NBPF20: variants seen among roughly 807,000 people sequenced by gnomAD.
NBPF20 encodes NBPF family member NBPF20.
Under a neutral mutation model 68.1 loss-of-function variants are expected in NBPF20, and 90 were observed. The observed-to-expected ratio is 1.32, with a 90% confidence interval of 1.11 to 1.58. The LOEUF is 1.58. Ranked by LOEUF, NBPF20 falls within the 40% of genes most tolerant of loss-of-function variation. The probability of loss-of-function intolerance (pLI) is 0.00; values close to 1 mark genes in which losing one functional copy is unlikely to be tolerated. For synonymous variants in NBPF20, 290 were observed against 228.1 expected (o/e 1.27, Z -2.45); for missense variants, 816 against 601.2 (o/e 1.36, Z -3.74).
chr1:145,406,803 TA>T (rs1385891060), upstream of NBPF20, among the ~76,000 whole-genome samples: 9 of 131,954 alleles, frequency 6.8e-5, no homozygotes, highest in South Asian at 2.7e-4. Context: ...TATACATACA[TA>T]TTTTTTGCTG....
the NBPF20 span, among the ~76,000 whole-genome samples, chr1:145,425,230 AC>A: frequency 2.7e-4 from 37 of 138,524 alleles, 1 homozygote; most frequent in South Asian, 5.1e-4. Flanking sequence ...GCCCCCCCCA[AC>A]CCCCCACCCC....
At chr1:145,410,619 ATCT>A in the NBPF20 span, among the ~76,000 whole-genome samples, 1 of 150,366 alleles carries the variant, frequency 6.7e-6, no homozygotes, top group African/African-American at 2.4e-5. Context: ...GGCCCCATGT[ATCT>A]TCTTTTCTGA....
At chr1:145,291,762 C>A (rs1142502) in exon 138 of NBPF20, 40 of 1,611,646 alleles carry the variant, frequency 2.5e-5, no homozygotes, top group Non-Finnish European at 3.1e-5. Flanking sequence ...ATCAGCACGC[C>A]GTTGAGCCTG....
At chr1:145,292,572 G>C (rs1553658376) in intron 136 of NBPF20, 83 bp from the exon 142 acceptor site, 1 of 739,256 alleles carries the variant, frequency 1.4e-6, no homozygotes, top group Non-Finnish European at 2.4e-6. Context: ...CCTCACACAG[G>C]GACCTCAGGC....
chr1:145,399,712 G>C (rs1232082736), intron 6 of NBPF20, among the ~76,000 whole-genome samples: 17 of 131,576 alleles, frequency 1.3e-4, no homozygotes, highest in African/African-American at 3.9e-4. Flanking sequence ...GGGAGGCAGA[G>C]GTTGCACCAA....
chr1:145,292,763 C>A (rs1661221027), intron 136 of NBPF20, among the ~76,000 whole-genome samples: 1 of 119,428 alleles, frequency 8.4e-6, no homozygotes. Flanking sequence ...CATATTTTTC[C>A]AATCAACTTA....
Position 145,403,152 on chromosome 1 carries a change from G to A in NBPF20, c.278+64C>T, listed in dbSNP as rs200508255. On this transcript the variant is annotated intron_variant, in intron 3 of 137. Transcript: ENST00000369373. Reference sequence around the variant, plus strand: ...AGCTTAGCTCTTACGTCTCCCCACCGAGCTGCTGTATTTCAGAGATTTACA... The same window carrying A: ...AGCTTAGCTCTTACGTCTCCCCACCAAGCTGCTGTATTTCAGAGATTTACA... The A allele has an allele frequency of 3.6e-4, 569 of 1,596,812 alleles. 1 individual carries two copies. The highest frequency in any genetic ancestry group is 4.7e-4 in the Non-Finnish European group (548 of 1,167,518).
chr1:145,416,084 T>C, the NBPF20 span, among the ~76,000 whole-genome samples: 1 of 150,984 alleles, frequency 6.6e-6, no homozygotes, highest in Admixed American at 6.6e-5. Context: ...TGAGCTGAGA[T>C]GGCGCCGTTG....
chr1:145,341,149 C>G (rs1428811138), intron 75 of NBPF20, among the ~76,000 whole-genome samples: 2 of 79,344 alleles, frequency 2.5e-5, no homozygotes, highest in Admixed American at 1.2e-4. Context: ...GAGACAGAGA[C>G]AGAGAGAGAG....
chr1:145,292,238 C>T (rs1661165678), intron 137 of NBPF20, 143 bp downstream of exon 142: 1 of 671,970 alleles, frequency 1.5e-6, no homozygotes, highest in Non-Finnish European at 2.6e-6. Flanking sequence ...TAAACATCTA[C>T]TGCAATGAAA....
At chr1:145,400,706 C>G in intron 5 of NBPF20, 112 bp from the exon 11 acceptor site, 2 of 1,478,116 alleles carry the variant, frequency 1.4e-6, no homozygotes, top group Non-Finnish European at 1.9e-6. Context: ...TCCCAGAAAG[C>G]AAAATGGAGG....
At chr1:145,410,560 G>A (rs1455877491), upstream of NBPF20, among the ~76,000 whole-genome samples, 10 of 150,744 alleles carry the variant, frequency 6.6e-5, no homozygotes, top group South Asian at 2.1e-4. Flanking sequence ...TGATCCGCCC[G>A]CCTCGGCCTC....
chr1:145,420,188 G>A, the NBPF20 span, among the ~76,000 whole-genome samples: 1 of 149,338 alleles, frequency 6.7e-6, no homozygotes, highest in South Asian at 2.2e-4. Flanking sequence ...AGAATGGGGG[G>A]TAAGAGGGGA....
chr1:145,291,827 C>T (rs1220222326), intron 137 of NBPF20, 58 bp from the exon 143 acceptor site: 10 of 1,611,110 alleles, frequency 6.2e-6, no homozygotes, highest in African/African-American at 1.3e-5. Context: ...CCACAGAGCC[C>T]CACTAGATTT....
At chr1:145,291,444 G>A (rs1208095313) in exon 138 of NBPF20, 71 of 1,611,372 alleles carry the variant, frequency 4.4e-5, no homozygotes, top group Non-Finnish European at 5.2e-5. Flanking sequence ...GCTTCCAAAT[G>A]GAACTGTACT....
At chr1:145,396,691 A>G (rs1235194291) in intron 7 of NBPF20, among the ~76,000 whole-genome samples, 2 of 149,720 alleles carry the variant, frequency 1.3e-5, no homozygotes, top group African/African-American at 2.5e-5. Flanking sequence ...GAGTGGGAGC[A>G]ATATTCAACA....
At chr1:145,405,098 T>C (rs1195531982) in exon 2 of NBPF20, 4 of 1,613,394 alleles carry the variant, frequency 2.5e-6, no homozygotes, top group South Asian at 1.1e-5. Context: ...TAGATCTTAC[T>C]GTATTTCTTC....
chr1:145,291,091 T>A, exon 138 of NBPF20: 2 of 266,866 alleles, frequency 7.5e-6, no homozygotes, highest in South Asian at 9.5e-5. Context: ...ATGGATCAGC[T>A]AAAACAAGCC....
intron 7 of NBPF20, among the ~76,000 whole-genome samples, chr1:145,396,692 A>G (rs1336193165): frequency 1.3e-5 from 2 of 149,740 alleles, no homozygotes; most frequent in Non-Finnish European, 3.0e-5. Flanking sequence ...AGTGGGAGCA[A>G]TATTCAACAT....
Sources: gnomAD v4.1 joint callset for allele counts (sites outside exome capture counted in the v4.1 genomes callset) on GRCh38, gnomAD v4.1.1 for gene constraint, MANE v1.5 for transcripts, NCBI Gene and HGNC (gene_info 2026-07-23, HGNC 2026-07-21) for gene names.